MICU1: variants seen among roughly 807,000 people sequenced by gnomAD.
The protein encoded by MICU1 is mitochondrial calcium uptake 1.
In MICU1, 45 loss-of-function variants were observed where a neutral mutation model predicts 56.8. That is an observed-to-expected ratio of 0.79 (90% CI 0.62 to 1.02). The LOEUF is 1.02. MICU1 is among the 50% of genes least tolerant of loss of function. MICU1 has a pLI of 0.00. For missense variants in MICU1, 504 were observed against 587.1 expected (o/e 0.86, Z 1.46); for synonymous variants, 186 against 195.1 (o/e 0.95, Z 0.39).
chr10:72,395,045 G>A (rs1178282695), intron 10 of MICU1, among the ~76,000 whole-genome samples: 1 of 152,048 alleles, frequency 6.6e-6, no homozygotes, highest in Non-Finnish European at 1.5e-5. Context: ...TGGGCGTGGT[G>A]GCGGGTGCCT....
intron 1 of MICU1, among the ~76,000 whole-genome samples, chr10:72,608,341 G>C (rs1027460977): frequency 2.0e-5 from 3 of 152,122 alleles, no homozygotes; most frequent in African/African-American, 7.2e-5. Context: ...CGAAGTGCTG[G>C]GATTACAGGT....
At chr10:72,507,020 A>C (rs1221148074) in intron 6 of MICU1, among the ~76,000 whole-genome samples, 1 of 152,204 alleles carries the variant, frequency 6.6e-6, no homozygotes, top group Non-Finnish European at 1.5e-5. Flanking sequence ...ACAGAGGAAT[A>C]AGAACGAAAG....
chr10:72,532,878 T>G lies in MICU1; in HGVS notation c.537+868A>C, dbSNP rs182043188. ...TATAAAAGAGCTCAACACTTATCTC[T>G]CCACCTTACCAGGATATGGACTTTT... On this transcript the variant is annotated intron_variant, in intron 5 of 11. Transcript: ENST00000361114. The G allele has an allele frequency of 1.7e-4, 202 of 1,166,676 alleles. 1 individual carries two copies. The African/African-American group carries it at 2.8e-3, about 16-fold the overall frequency. 72.3% of individuals were successfully genotyped at this position (1,166,676 alleles called of 1,614,324 possible). A position where few individuals can be genotyped will look rare whatever the true frequency, so the allele number is the denominator to read the frequency against.
intron 4 of MICU1, among the ~76,000 whole-genome samples, chr10:72,547,213 TA>T (rs1653478736): frequency 1.3e-5 from 2 of 151,988 alleles, no homozygotes; most frequent in Admixed American, 6.6e-5. Flanking sequence ...TTTTTACTTT[TA>T]TTTTTATAGA....
chr10:72,566,336 G>A (rs748707374), intron 2 of MICU1, among the ~76,000 whole-genome samples: 6 of 152,056 alleles, frequency 3.9e-5, no homozygotes, highest in South Asian at 2.1e-4. Flanking sequence ...GTAAGCCACC[G>A]CGCCTGGCCA....
chr10:72,563,885 G>A (rs1564936580), intron 2 of MICU1, among the ~76,000 whole-genome samples: 1 of 151,894 alleles, frequency 6.6e-6, no homozygotes, highest in Non-Finnish European at 1.5e-5. Flanking sequence ...CTGAAAGGGT[G>A]GAATATCAAG....
chr10:72,607,545 G>A (rs1841725098), intron 1 of MICU1, among the ~76,000 whole-genome samples: 1 of 151,084 alleles, frequency 6.6e-6, no homozygotes, highest in Non-Finnish European at 1.5e-5. Context: ...GCTGAGGCAG[G>A]GGAATCGCTT....
chr10:72,524,671 CTGAAGCATTACTATGGATTT>C, intron 5 of MICU1: 2 of 1,167,468 alleles, frequency 1.7e-6, no homozygotes, highest in Non-Finnish European at 2.2e-6. Flanking sequence ...ACCTTTGTTC[CTGAAGCATTACTATGGATTT>C]TGGAGCATTA....
At chr10:72,614,710 A>G (rs371230871) in intron 1 of MICU1, among the ~76,000 whole-genome samples, 163 of 152,358 alleles carry the variant, frequency 1.1e-3, no homozygotes, top group South Asian at 9.1e-3. Context: ...GGCACCTAGC[A>G]TAGTCAAATC....
chr10:72,375,901 AGC>A, intron 10 of MICU1, 29 bp from the exon 11 acceptor site: 1 of 1,593,210 alleles, frequency 6.3e-7, no homozygotes, highest in Admixed American at 1.7e-5. Context: ...GCATTAGCAC[AGC>A]AGAGGGATTT....
intron 8 of MICU1, among the ~76,000 whole-genome samples, chr10:72,453,926 C>T (rs1865374524): frequency 6.6e-6 from 1 of 152,058 alleles, no homozygotes; most frequent in South Asian, 2.1e-4. Context: ...AACTCCACCT[C>T]CCTGGTTCAA....
intron 10 of MICU1, among the ~76,000 whole-genome samples, chr10:72,377,804 G>A (rs1399822677): frequency 6.6e-6 from 1 of 152,184 alleles, no homozygotes; most frequent in Admixed American, 6.6e-5. Flanking sequence ...TAGAACCACT[G>A]TGCCTTGTTT....
intron 10 of MICU1, among the ~76,000 whole-genome samples, chr10:72,382,404 G>A (rs188958961): frequency 3.3e-5 from 5 of 151,764 alleles, no homozygotes; most frequent in African/African-American, 7.3e-5. Context: ...GAGCCACCGC[G>A]CCTGGCCTGT....
At chr10:72,593,472 C>T (rs1841284952) in intron 1 of MICU1, among the ~76,000 whole-genome samples, 1 of 149,894 alleles carries the variant, frequency 6.7e-6, no homozygotes, top group Admixed American at 6.7e-5. Context: ...TGTAGTGAGC[C>T]AAGATCGTGC....
intron 10 of MICU1, among the ~76,000 whole-genome samples, chr10:72,383,075 C>A (rs1862769647): frequency 6.6e-6 from 1 of 152,096 alleles, no homozygotes; most frequent in Non-Finnish European, 1.5e-5. Context: ...GACCTCATCT[C>A]TACGAAAAAT....
At chr10:72,558,568 C>T (rs892819582) in intron 3 of MICU1, among the ~76,000 whole-genome samples, 1 of 152,072 alleles carries the variant, frequency 6.6e-6, no homozygotes, top group Non-Finnish European at 1.5e-5. Context: ...AAGCTGCTAC[C>T]TAGAGAAAAT....
At chr10:72,554,754 C>A (rs1214528459) in intron 3 of MICU1, among the ~76,000 whole-genome samples, 2 of 152,192 alleles carry the variant, frequency 1.3e-5, no homozygotes, top group Non-Finnish European at 2.9e-5. Context: ...GTGGCTCATG[C>A]CTGTAATCCC....
intron 8 of MICU1, among the ~76,000 whole-genome samples, chr10:72,461,524 T>C (rs1383445241): frequency 6.6e-6 from 1 of 152,268 alleles, no homozygotes; most frequent in Non-Finnish European, 1.5e-5. Flanking sequence ...ACTTATGTAC[T>C]GTGCAAGTAT....
At chr10:72,374,417 C>T (rs920319528) in intron 11 of MICU1, among the ~76,000 whole-genome samples, 2 of 152,282 alleles carry the variant, frequency 1.3e-5, no homozygotes, top group African/African-American at 2.4e-5. Context: ...TGAGCCACCA[C>T]GCCAGGCCAA....
Sources: allele counts gnomAD v4.1 joint callset (sites outside exome capture counted in the v4.1 genomes callset), GRCh38; gene constraint gnomAD v4.1.1; transcripts MANE v1.5; gene names NCBI Gene and HGNC (gene_info 2026-07-23, HGNC 2026-07-21).